Variants in PLA2G5 observed in about 807,000 individuals in gnomAD.
PLA2G5 encodes phospholipase A2 group V.
A neutral mutation model predicts 15.9 loss-of-function variants in PLA2G5; 12 were observed. The observed-to-expected ratio is 0.76, with a 90% CI of 0.48 to 1.23. PLA2G5 has a LOEUF of 1.23. PLA2G5 is among the 50% of genes most tolerant of loss of function. The probability of loss-of-function intolerance (pLI) is 0.00; values close to 1 mark genes in which losing one functional copy is unlikely to be tolerated. For synonymous variants in PLA2G5, 71 were observed against 71.4 expected, an observed-to-expected ratio of 0.99 and a Z score of 0.03; for missense variants, 169 against 177.1, an observed-to-expected ratio of 0.95 and a Z score of 0.26.
upstream of PLA2G5, chr1:20,070,105 T>G: frequency 3.0e-6 from 2 of 673,572 alleles, no homozygotes; most frequent in Non-Finnish European, 3.7e-6. Flanking sequence ...CCACCCGCAT[T>G]GGAATTCTCT....
chr1:20,076,466 G>A (rs2015686367), intron 1 of PLA2G5, among the ~76,000 whole-genome samples: 1 of 152,192 alleles, frequency 6.6e-6, no homozygotes, highest in African/African-American at 2.4e-5. Flanking sequence ...TGTCCTTACT[G>A]GGTCTCAACC....
intron 3 of PLA2G5, among the ~76,000 whole-genome samples, chr1:20,088,479 T>G (rs1324975233): frequency 1.3e-5 from 2 of 151,938 alleles, no homozygotes; most frequent in East Asian, 3.8e-4. Flanking sequence ...GCTTTTTTTT[T>G]TTTACAATTA....
At chr1:20,083,680 G>T (rs1243566404) in intron 1 of PLA2G5, among the ~76,000 whole-genome samples, 1 of 151,870 alleles carries the variant, frequency 6.6e-6, no homozygotes, top group African/African-American at 2.4e-5. Flanking sequence ...GAGAGGTAGA[G>T]CATGAGAAGG....
Position 20,089,858 on chromosome 1 carries a change from C to T in PLA2G5, c.255C>T (p.Ser85=), listed in dbSNP as rs762989305. The change falls in exon 4 of 5, where the codon TCC becomes TCT. Residue 85 remains serine (S), a synonymous_variant. Transcript: ENST00000375108. ...EEKGCNIRTQ[S]YKYRFAWGVV... is the part of the protein sequence containing the mutation. Reference sequence around the variant, plus strand: ...AGGGCTGCAACATTCGCACACAGTCCTACAAATACAGATTCGCGTGGGGCG... The same window carrying T: ...AGGGCTGCAACATTCGCACACAGTCTTACAAATACAGATTCGCGTGGGGCG... The T allele has an allele frequency of 2.5e-6, 4 of 1,614,076 alleles. No homozygotes were observed. The highest frequency in any genetic ancestry group is 1.1e-5 in the South Asian group (1 of 91,068).
chr1:20,055,568 C>T (rs1478134566), intron 1 of PLA2G5, among the ~76,000 whole-genome samples: 1 of 152,152 alleles, frequency 6.6e-6, no homozygotes, highest in African/African-American at 2.4e-5. Flanking sequence ...ACTGGGATAA[C>T]CCCTTCTAGT....
rs1048873098 is a variant in PLA2G5, at chr1:20,036,749, T to C, written n.276+8040T>C. 5.3e-5 allele frequency among the ~76,000 whole-genome samples: 8 copies of C among 152,238 alleles called. No individual in the cohort carries two copies. In the East Asian group the frequency reaches 1.5e-3, roughly 29 times the overall value. On this transcript the variant is annotated intron_variant and non_coding_transcript_variant, in intron 1 of 6. Transcript: ENST00000460175. The stretch of plus-strand genomic sequence containing the variant: ...GGCATGATCTCGACTCACTGCAACC[T>C]CTGCCTCCTGGGTTCAAGTGATTTT...
intron 1 of PLA2G5, among the ~76,000 whole-genome samples, chr1:20,053,974 C>CA (rs1337498129): frequency 6.6e-6 from 1 of 152,128 alleles, no homozygotes; most frequent in East Asian, 1.9e-4. Context: ...AAATTTAAAA[C>CA]AAAACAAGCA....
chr1:20,081,559 A>G (rs1432431062), intron 1 of PLA2G5, among the ~76,000 whole-genome samples: 12 of 151,648 alleles, frequency 7.9e-5, no homozygotes. Context: ...GGGGCAGGGG[A>G]CACAGTTTAG....
At chr1:20,064,596 A>C (rs1340693985) in intron 2 of PLA2G5, among the ~76,000 whole-genome samples, 2 of 151,516 alleles carry the variant, frequency 1.3e-5, no homozygotes, top group Non-Finnish European at 2.9e-5. Flanking sequence ...AAAAAAAAAA[A>C]GGAAACAGAA....
upstream of PLA2G5, among the ~76,000 whole-genome samples, chr1:20,068,127 T>A (rs1367134180): frequency 2.6e-5 from 4 of 151,560 alleles, no homozygotes; most frequent in South Asian, 2.1e-4. Context: ...TCAAAAAAAA[T>A]AAATAAAAAA....
rs538789160 is a variant in PLA2G5 at position 20,089,820 on chromosome 1, C to T, written c.217C>T (p.Arg73Trp). Residue 73 changes from arginine (R) to tryptophan (W), a missense_variant, in exon 4 of 5, where the codon CGG (arginine) becomes TGG (tryptophan). Arg to Trp is a moderately radical substitution (Grantham distance 101). Transcript: ENST00000375108. ...TTGGGCGCATGACCACTGCTATGGG[C>T]GGCTGGAGGAGAAGGGCTGCAACAT... ...CCWAHDHCYG[R>W]LEEKGCNIRT... is the part of the protein sequence containing the mutation. 6 of 1,614,068 alleles carry T rather than the reference C, an allele frequency of 3.7e-6. No homozygotes were observed. The highest frequency in any genetic ancestry group is 3.3e-5 in the Admixed American group (2 of 60,014).
chr1:20,064,441 G>T (rs1360932163), intron 2 of PLA2G5, among the ~76,000 whole-genome samples: 1 of 152,042 alleles, frequency 6.6e-6, no homozygotes, highest in Non-Finnish European at 1.5e-5. Flanking sequence ...TGGGCATGGT[G>T]GTGCATACCT....
At chr1:20,063,882 T>C (rs2014875258) in intron 2 of PLA2G5, among the ~76,000 whole-genome samples, 1 of 152,206 alleles carries the variant, frequency 6.6e-6, no homozygotes, top group Non-Finnish European at 1.5e-5. Flanking sequence ...TCTCTCATCA[T>C]GTTTGCCACC....
chr1:20,082,997 C>T (rs2016108977), intron 1 of PLA2G5, among the ~76,000 whole-genome samples: 1 of 151,958 alleles, frequency 6.6e-6, no homozygotes, highest in African/African-American at 2.4e-5. Context: ...AGACACCGGG[C>T]CTGCCAAGGT....
chr1:20,052,119 T>C (rs1163563288), intron 1 of PLA2G5, among the ~76,000 whole-genome samples: 2 of 141,502 alleles, frequency 1.4e-5, no homozygotes, highest in East Asian at 4.1e-4. Context: ...AATGGGAAAC[T>C]GCCGAGATCG....
At chr1:20,085,902 A>G (rs2016261596) in intron 2 of PLA2G5, among the ~76,000 whole-genome samples, 181 bp from the exon 3 acceptor site, 1 of 152,090 alleles carries the variant, frequency 6.6e-6, no homozygotes, top group Non-Finnish European at 1.5e-5. Flanking sequence ...TTCAATTCCA[A>G]ACTCTTAACC....
chr1:20,061,956 G>A (rs112815183), intron 2 of PLA2G5, among the ~76,000 whole-genome samples: 1 of 152,170 alleles, frequency 6.6e-6, no homozygotes, highest in African/African-American at 2.4e-5. Flanking sequence ...GGAGGTGTTC[G>A]GATCATGGAG....
At chr1:20,032,054 T>C (rs2012981833) in intron 1 of PLA2G5, among the ~76,000 whole-genome samples, 1 of 152,150 alleles carries the variant, frequency 6.6e-6, no homozygotes, top group Non-Finnish European at 1.5e-5. Context: ...GAGGGGATTT[T>C]AGGGCATGGC....
At chr1:20,043,264 G>A (rs2013716891) in intron 1 of PLA2G5, among the ~76,000 whole-genome samples, 2 of 152,196 alleles carry the variant, frequency 1.3e-5, no homozygotes, top group African/African-American at 4.8e-5. Flanking sequence ...AAACAATTTG[G>A]TTGATAAGGT....
Sources: gnomAD v4.1 joint callset for allele counts (sites outside exome capture counted in the v4.1 genomes callset) on GRCh38, gnomAD v4.1.1 for gene constraint, MANE v1.5 for transcripts, NCBI Gene and HGNC (gene_info 2026-07-23, HGNC 2026-07-21) for gene names.